The following TPTE2 variants were observed in gnomAD, a reference collection of about 807,000 sequenced individuals.
The protein encoded by TPTE2 is transmembrane phosphoinositide 3-phosphatase and tensin homolog 2, also known as phosphatidylinositol 3,4,5-trisphosphate 3-phosphatase TPTE2.
Under a neutral mutation model 78.6 loss-of-function variants are expected in TPTE2, and 53 were observed. The ratio of observed to expected loss-of-function variants is 0.67; its 90% CI spans 0.54 to 0.85. The LOEUF is 0.85. Among genes scored for constraint, TPTE2 ranks in the 40% least tolerant of loss-of-function variants. The pLI, the probability that TPTE2 is intolerant of heterozygous loss-of-function variation, is 0.00. For synonymous variants in TPTE2, 175 were observed against 206.2 expected (o/e 0.85, Z 1.30); for missense variants, 461 against 623.0 (o/e 0.74, Z 2.77).
chr13:19,444,485 G>A (rs1331371577), intron 13 of TPTE2, among the ~76,000 whole-genome samples: 1 of 151,502 alleles, frequency 6.6e-6, no homozygotes, highest in African/African-American at 2.4e-5. Flanking sequence ...AAAAATCTAA[G>A]AATAAATCTC....
upstream of TPTE2, among the ~76,000 whole-genome samples, chr13:19,539,819 G>C (rs535466790): frequency 1.3e-5 from 2 of 151,970 alleles, no homozygotes. Context: ...TCCCTATGAT[G>C]ATTTTACAAT....
Position 19,434,672 on chromosome 13 carries a change from A to C in TPTE2, c.1116+1554T>G, listed in dbSNP as rs563030493. Among the ~76,000 whole-genome samples, 23 of 152,298 alleles carry C rather than the reference A, an allele frequency of 1.5e-4. No individual in the cohort carries two copies. The South Asian group carries it at 4.6e-3, about 30-fold the overall frequency. The stretch of plus-strand genomic sequence containing the variant: ...GGTGAGTTCTTCTGGCCCAAACTAA[A>C]GGTTTAGGGCCGGTAGTTAGAGTGT... On this transcript the variant is annotated intron_variant, in intron 15 of 19. Transcript: ENST00000400230.
intron 3 of TPTE2, 70 bp from the exon 7 acceptor site, chr13:19,482,617 T>A (rs1332854468): frequency 5.5e-5 from 86 of 1,569,334 alleles, no homozygotes; most frequent in Non-Finnish European, 7.5e-5. Context: ...TGATGAAAAA[T>A]ATATTTGAAT....
intron 17 of TPTE2, among the ~76,000 whole-genome samples, chr13:19,427,514 T>G (rs911141694): frequency 2.0e-5 from 3 of 152,166 alleles, no homozygotes; most frequent in Non-Finnish European, 2.9e-5. Context: ...TGAGAATACA[T>G]TAAGAAGCTC....
rs370706284 is a variant in TPTE2, at chr13:19,438,088, A to G, written c.1035+4T>C. The G allele has an allele frequency of 1.1e-4, 181 of 1,605,514 alleles. No individual in the cohort carries two copies. Among genetic ancestry groups the G allele is most frequent in the Middle Eastern group, 3.3e-4 (2 of 6,046 alleles). On this transcript the variant is annotated splice_donor_region_variant and intron_variant, in intron 14 of 19. Transcript: ENST00000400230. The stretch of plus-strand genomic sequence containing the variant: ...AGAGAAAGTTTGTAGAACATCTTTC[A>G]TACCTCGGCAGTTAAAAATATTTCG...
At chr13:19,467,382 C>T (rs1879335732) in intron 6 of TPTE2, 38 bp from the exon 10 acceptor site, 1 of 1,417,060 alleles carries the variant, frequency 7.1e-7, no homozygotes, top group Admixed American at 3.1e-5. Context: ...GTTCATTTCC[C>T]TCTGCAAGAA....
intron 4 of TPTE2, among the ~76,000 whole-genome samples, chr13:19,478,159 C>T (rs902768143): frequency 6.6e-5 from 10 of 151,990 alleles, no homozygotes; most frequent in African/African-American, 2.2e-4. Context: ...AATTGACAAA[C>T]AGGATCTAAT....
intron 3 of TPTE2, among the ~76,000 whole-genome samples, chr13:19,487,033 G>A (rs929533340): frequency 6.6e-5 from 10 of 152,188 alleles, no homozygotes; most frequent in Non-Finnish European, 1.3e-4. Context: ...TGGCTAGTCT[G>A]GAGGTGCATC....
intron 4 of TPTE2, among the ~76,000 whole-genome samples, chr13:19,481,974 A>G (rs958829031): frequency 3.9e-5 from 6 of 152,096 alleles, no homozygotes; most frequent in Non-Finnish European, 8.8e-5. Flanking sequence ...CAGTGAGTAC[A>G]TGATAAAATG....
At chr13:19,454,441 C>T (rs1412605873) in intron 10 of TPTE2, among the ~76,000 whole-genome samples, 1 of 152,200 alleles carries the variant, frequency 6.6e-6, no homozygotes, top group Non-Finnish European at 1.5e-5. Context: ...CATGCAATCA[C>T]TGAAGGGCTC....
At chr13:19,561,111 G>A in the TPTE2 span, 1 of 1,604,946 alleles carries the variant, frequency 6.2e-7, no homozygotes, top group Non-Finnish European at 8.5e-7. Flanking sequence ...TCTTCCTTGT[G>A]GCCTGGGAGG....
intron 1 of TPTE2, among the ~76,000 whole-genome samples, chr13:19,497,554 T>G (rs9508196): frequency 0.042 from 2,462 of 58,946 alleles, 500 homozygotes; most frequent in South Asian, 0.065. Context: ...ACACCTCACA[T>G]GGCAGGGTAT....
At chr13:19,481,325 A>C (rs1353968893) in intron 4 of TPTE2, among the ~76,000 whole-genome samples, 1 of 152,190 alleles carries the variant, frequency 6.6e-6, no homozygotes, top group Non-Finnish European at 1.5e-5. Context: ...CTAATTTTTT[A>C]CAATACAATA....
rs76494427 is a variant in TPTE2 at position 19,447,255 on chromosome 13, T to C, written c.973+2821A>G. Among the ~76,000 whole-genome samples, 12 of 152,200 alleles carry C rather than the reference T, an allele frequency of 7.9e-5. No individual in the cohort carries two copies. In the East Asian group the frequency reaches 1.2e-3, roughly 15 times the overall value. Reference sequence around the variant, plus strand: ...CAAAATCAACAAAATATTATGTGAATACAGAATAATGTAAACCCCCTCTCA... The same window carrying C: ...CAAAATCAACAAAATATTATGTGAACACAGAATAATGTAAACCCCCTCTCA... On this transcript the variant is annotated intron_variant, in intron 13 of 19. Transcript: ENST00000400230.
chr13:19,457,674 C>T (rs1160318650), intron 10 of TPTE2, among the ~76,000 whole-genome samples: 1 of 152,200 alleles, frequency 6.6e-6, no homozygotes, highest in African/African-American at 2.4e-5. Context: ...CTTCCAGCTC[C>T]ATCCATGTCC....
At chr13:19,552,475 T>C in the TPTE2 span, 5 of 493,754 alleles carry the variant, frequency 1.0e-5, no homozygotes, top group South Asian at 4.3e-5. Flanking sequence ...ACAAAGTGTT[T>C]TGAAATTCAT....
chr13:19,513,250 T>C (rs1447454658), intron 1 of TPTE2, among the ~76,000 whole-genome samples: 2 of 152,216 alleles, frequency 1.3e-5, no homozygotes, highest in African/African-American at 4.8e-5. Flanking sequence ...TATTAGAGAT[T>C]TGCCACATGG....
At chr13:19,453,864 TGGCTTA>T (rs1248531542) in intron 10 of TPTE2, among the ~76,000 whole-genome samples, 2 of 152,172 alleles carry the variant, frequency 1.3e-5, no homozygotes, top group Non-Finnish European at 2.9e-5. Flanking sequence ...AGCCTTTGCA[TGGCTTA>T]CTAAGTTTAT....
chr13:19,557,592 A>C, the TPTE2 span, among the ~76,000 whole-genome samples: 2 of 152,182 alleles, frequency 1.3e-5, no homozygotes, highest in Non-Finnish European at 2.9e-5. Context: ...AAACTCATCT[A>C]TTCATCAAGC....
Sources: gnomAD v4.1 joint callset for allele counts (sites outside exome capture counted in the v4.1 genomes callset) on GRCh38, gnomAD v4.1.1 for gene constraint, MANE v1.5 for transcripts, NCBI Gene and HGNC (gene_info 2026-07-23, HGNC 2026-07-21) for gene names.